The following DCLK1 variants were observed in gnomAD, a reference collection of about 807,000 sequenced individuals.
DCLK1 encodes serine/threonine-protein kinase DCLK1.
A neutral mutation model predicts 86.2 loss-of-function variants in DCLK1; 16 were observed. That is an observed-to-expected ratio of 0.19 (90% CI 0.13 to 0.28). DCLK1 has a LOEUF of 0.28. DCLK1 is among the 10% of genes least tolerant of loss of function. The pLI is 1.00. For missense variants in DCLK1, 590 were observed against 940.2 expected (o/e 0.63, Z 4.87); for synonymous variants, 369 against 370.5 (o/e 1.00, Z 0.05).
intron 9 of DCLK1, among the ~76,000 whole-genome samples, 198 bp from the exon 10 acceptor site, chr13:35,827,952 T>A (rs1868620117): frequency 6.6e-6 from 1 of 152,118 alleles, no homozygotes; most frequent in Non-Finnish European, 1.5e-5. Flanking sequence ...TGCTTGCAAA[T>A]TCAGAACCAA....
chr13:35,795,228 TG>T (rs2086784367), intron 15 of DCLK1, among the ~76,000 whole-genome samples: 1 of 152,176 alleles, frequency 6.6e-6, no homozygotes, highest in South Asian at 2.1e-4. Context: ...TGGTGATATT[TG>T]GTGTGCGGTG....
chr13:35,862,463 G>A (rs1871472385), intron 5 of DCLK1, among the ~76,000 whole-genome samples: 1 of 152,164 alleles, frequency 6.6e-6, no homozygotes. Flanking sequence ...GCCTCATAGA[G>A]CCTTCCTGGC....
intron 8 of DCLK1, among the ~76,000 whole-genome samples, chr13:35,831,688 T>C (rs1158518738): frequency 1.3e-5 from 2 of 152,098 alleles, no homozygotes; most frequent in African/African-American, 4.8e-5. Flanking sequence ...TTTGAAATTA[T>C]GTTCTTGACC....
chr13:36,058,990 T>A (rs1883438655), intron 3 of DCLK1, among the ~76,000 whole-genome samples: 1 of 152,194 alleles, frequency 6.6e-6, no homozygotes, highest in South Asian at 2.1e-4. Context: ...TAAATAAAAT[T>A]GATTCTAATA....
intron 3 of DCLK1, among the ~76,000 whole-genome samples, chr13:36,054,414 A>C (rs2153157794): frequency 6.6e-6 from 1 of 152,346 alleles, no homozygotes; most frequent in Non-Finnish European, 1.5e-5. Flanking sequence ...GTGACAGTCT[A>C]ACTTTTTAGC....
chr13:36,106,917 T>C (rs1188389129), intron 3 of DCLK1, among the ~76,000 whole-genome samples: 3 of 152,178 alleles, frequency 2.0e-5, no homozygotes, highest in Admixed American at 1.3e-4. Context: ...CCAAATTATT[T>C]TTACTTCAGA....
chr13:35,960,897 C>T (rs1035767337), intron 3 of DCLK1, among the ~76,000 whole-genome samples: 5 of 152,158 alleles, frequency 3.3e-5, no homozygotes, highest in African/African-American at 4.8e-5. Context: ...CCTTCTCTTA[C>T]GATGTCATGA....
intron 3 of DCLK1, among the ~76,000 whole-genome samples, chr13:35,952,770 T>G (rs1280017374): frequency 6.6e-6 from 1 of 152,178 alleles, no homozygotes; most frequent in Non-Finnish European, 1.5e-5. Context: ...AATGTTGAAT[T>G]TTTTTTAACT....
intron 3 of DCLK1, among the ~76,000 whole-genome samples, chr13:36,005,800 T>C (rs574250000): frequency 6.6e-6 from 1 of 151,964 alleles, no homozygotes; most frequent in African/African-American, 2.4e-5. Flanking sequence ...ACAAAGAAAA[T>C]GTGGCACATA....
intron 5 of DCLK1, among the ~76,000 whole-genome samples, chr13:35,867,867 GAAAGAGAGAGGGAGAGAGAGAGA>G (rs1871910386): frequency 2.3e-5 from 3 of 131,498 alleles, no homozygotes; most frequent in South Asian, 2.5e-4. Flanking sequence ...AAGAAAGAAA[GAAAGAGAGAGGGAGAGAGAGAGA>G]GAAAGAGAGA....
At chr13:35,980,176 C>G (rs1478885346) in intron 3 of DCLK1, among the ~76,000 whole-genome samples, 1 of 152,152 alleles carries the variant, frequency 6.6e-6, no homozygotes, top group Non-Finnish European at 1.5e-5. Context: ...AACTCCCTGG[C>G]TGAGTGTGGT....
At chr13:35,895,901 A>T (rs889122783) in intron 4 of DCLK1, among the ~76,000 whole-genome samples, 7 of 149,020 alleles carry the variant, frequency 4.7e-5, no homozygotes, top group South Asian at 2.2e-4. Flanking sequence ...TCAAATTTTT[A>T]AAAAATTCTA....
At chr13:35,959,828 C>T (rs554779230) in intron 3 of DCLK1, among the ~76,000 whole-genome samples, 10 of 150,604 alleles carry the variant, frequency 6.6e-5, no homozygotes, top group Non-Finnish European at 1.5e-4. Context: ...GAAATTAGAG[C>T]TCATGAAAAA....
At chr13:35,947,552 C>A in intron 3 of DCLK1, 95 bp from the exon 4 acceptor site, 1 of 948,226 alleles carries the variant, frequency 1.1e-6, no homozygotes, top group Non-Finnish European at 1.6e-6. Flanking sequence ...AGCCCCTTCC[C>A]ACCTAATGGA....
chr13:35,795,295 G>A (rs1448568955), intron 15 of DCLK1, among the ~76,000 whole-genome samples: 2 of 152,196 alleles, frequency 1.3e-5, no homozygotes, highest in Non-Finnish European at 2.9e-5. Context: ...CAAACAGTTT[G>A]TCTCTAGTTA....
intron 3 of DCLK1, among the ~76,000 whole-genome samples, chr13:36,032,235 G>A (rs140817434): frequency 0.038 from 5,757 of 151,188 alleles, 132 homozygotes; most frequent in South Asian, 0.059. Context: ...TCTGCCTCCC[G>A]GGTTCAAGCA....
At chr13:36,076,310 T>C (rs1454434802) in intron 3 of DCLK1, among the ~76,000 whole-genome samples, 2 of 152,224 alleles carry the variant, frequency 1.3e-5, no homozygotes, top group African/African-American at 4.8e-5. Flanking sequence ...CAGGAATTTA[T>C]GGGCACTTTC....
rs34489580 is a variant in DCLK1 at position 35,867,909 on chromosome 13, AAAAGAAAGAAAG to A, written c.940+3303_940+3314del. 7.8e-3 allele frequency among the ~76,000 whole-genome samples: 798 copies of A among 102,432 alleles called. 10 individuals carry two copies. The highest frequency in any genetic ancestry group is 0.023 in the African/African-American group (575 of 24,854). 67.2% of individuals were successfully genotyped at this position (102,432 alleles called of 152,430 possible). The stretch of plus-strand genomic sequence containing the variant: ...AGAGAGAGAAAGAGAGAAAGAAAGA[AAAAGAAAGAAAG>A]AAAGAAAGAAAGAAAGAAAGAAAGA... On this transcript the variant is annotated intron_variant, in intron 5 of 16. Transcript: ENST00000360631.
intron 4 of DCLK1, among the ~76,000 whole-genome samples, chr13:35,893,206 A>G (rs1482147731): frequency 1.3e-5 from 2 of 152,206 alleles, no homozygotes; most frequent in African/African-American, 4.8e-5. Flanking sequence ...GGAGTCCAGC[A>G]GAGGTGAAGG....
Sources: gnomAD v4.1 joint callset for allele counts (sites outside exome capture counted in the v4.1 genomes callset) on GRCh38, gnomAD v4.1.1 for gene constraint, MANE v1.5 for transcripts, NCBI Gene and HGNC (gene_info 2026-07-23, HGNC 2026-07-21) for gene names.